Variants in PCDH15 observed in about 807,000 individuals in gnomAD.
The protein encoded by PCDH15 is protocadherin related 15.
A neutral mutation model predicts 178.5 loss-of-function variants in PCDH15; 129 were observed. The ratio of observed to expected loss-of-function variants is 0.72; its 90% CI spans 0.63 to 0.84. PCDH15 has a LOEUF of 0.84. Among genes scored for constraint, PCDH15 ranks in the 40% least tolerant of loss-of-function variants. The probability of loss-of-function intolerance (pLI) is 0.00; values close to 1 mark genes in which losing one functional copy is unlikely to be tolerated. For synonymous variants in PCDH15, 800 were observed against 732.0 expected, an observed-to-expected ratio of 1.09 and a Z score of -1.50; for missense variants, 2,230 against 2,099.9, an observed-to-expected ratio of 1.06 and a Z score of -1.21.
At chr10:54,574,347 G>C (rs894103317) in intron 2 of PCDH15, among the ~76,000 whole-genome samples, 36 of 149,652 alleles carry the variant, frequency 2.4e-4, no homozygotes, top group Admixed American at 5.3e-4. Flanking sequence ...GATATGTGGC[G>C]TTATTTCTGA....
chr10:54,822,802 G>A (rs953430665), intron 3 of PCDH15, among the ~76,000 whole-genome samples: 1 of 151,118 alleles, frequency 6.6e-6, no homozygotes, highest in Non-Finnish European at 1.5e-5. Context: ...ATTGTTACTT[G>A]TCTTTTTGTT....
intron 21 of PCDH15, among the ~76,000 whole-genome samples, chr10:53,967,898 G>C (rs2089214135): frequency 6.6e-6 from 1 of 152,106 alleles, no homozygotes; most frequent in Non-Finnish European, 1.5e-5. Context: ...ATTTGGAGGA[G>C]GTTCCAAGAT....
At chr10:54,436,993 T>C (rs1391352654) in intron 3 of PCDH15, among the ~76,000 whole-genome samples, 2 of 152,306 alleles carry the variant, frequency 1.3e-5, no homozygotes, top group East Asian at 1.9e-4. Flanking sequence ...AGAGTAATTA[T>C]GTCAAAACTC....
chr10:54,980,189 A>T (rs2131903343), intron 2 of PCDH15, among the ~76,000 whole-genome samples: 1 of 152,306 alleles, frequency 6.6e-6, no homozygotes, highest in East Asian at 1.9e-4. Context: ...TGGCATTCCA[A>T]TAATGGAATA....
intron 2 of PCDH15, among the ~76,000 whole-genome samples, chr10:55,497,977 G>A (rs1383106058): frequency 1.3e-5 from 2 of 151,866 alleles, no homozygotes; most frequent in Non-Finnish European, 2.9e-5. Flanking sequence ...CTACGGATAT[G>A]TATAAATCTG....
chr10:54,794,153 A>C (rs1951734303), intron 1 of PCDH15, among the ~76,000 whole-genome samples: 1 of 148,182 alleles, frequency 6.7e-6, no homozygotes, highest in Non-Finnish European at 1.5e-5. Context: ...TATATATCTT[A>C]AAGGAAATAT....
In PCDH15 at chr10:55,622,209, CTA is replaced by C. The variant is rs1837421563; in HGVS notation, c.-156+5414_-156+5415del. On this transcript the variant is annotated intron_variant, in intron 2 of 5. Coordinates refer to the PCDH15 transcript ENST00000613346. ...TACATTTTATGTAGACAGGGTCTCA[CTA>C]TGCTGCCCAGGCTGGTCTTAAACTC... is the stretch of plus-strand genomic sequence containing the variant. Among the ~76,000 whole-genome samples the C allele has an allele frequency of 2.5e-5, 3 of 119,598 alleles. No homozygotes were observed. The Admixed American group carries it at 2.5e-4, about 10-fold the overall frequency. The allele number at this position is 119,598 out of a possible 152,430, so 78.5% of individuals were successfully genotyped here.
chr10:54,836,061 C>CA, intron 3 of PCDH15, among the ~76,000 whole-genome samples: 1 of 151,996 alleles, frequency 6.6e-6, no homozygotes, highest in East Asian at 1.9e-4. Flanking sequence ...TATTGCAACA[C>CA]AAAAAAGTTC....
intron 5 of PCDH15, among the ~76,000 whole-genome samples, chr10:54,354,050 A>G (rs1016685676): frequency 6.6e-6 from 1 of 152,174 alleles, no homozygotes; most frequent in African/African-American, 2.4e-5. Context: ...CAATGGCACA[A>G]TCTCGGCTCA....
At chr10:55,034,578 G>T (rs1352626181) in intron 2 of PCDH15, among the ~76,000 whole-genome samples, 4 of 152,124 alleles carry the variant, frequency 2.6e-5, no homozygotes, top group African/African-American at 9.7e-5. Context: ...CAAACTCAAA[G>T]TAGGCACTGG....
At chr10:54,223,412 A>C (rs1462330426) in intron 9 of PCDH15, among the ~76,000 whole-genome samples, 2 of 143,178 alleles carry the variant, frequency 1.4e-5, no homozygotes, top group African/African-American at 5.1e-5. Flanking sequence ...TACATTATGT[A>C]TAGAAAGTCT....
intron 5 of PCDH15, among the ~76,000 whole-genome samples, chr10:54,367,011 G>A (rs2134650875): frequency 6.6e-6 from 1 of 152,068 alleles, no homozygotes; most frequent in South Asian, 2.1e-4. Context: ...AGGGTTTGAA[G>A]AAATTGAAGA....
chr10:55,035,903 A>T (rs1840724504), intron 2 of PCDH15, among the ~76,000 whole-genome samples: 1 of 152,136 alleles, frequency 6.6e-6, no homozygotes, highest in South Asian at 2.1e-4. Context: ...GATTGAATAG[A>T]TATATTAAGA....
chr10:55,233,259 A>G (rs1313138429), intron 1 of PCDH15, among the ~76,000 whole-genome samples: 2 of 152,116 alleles, frequency 1.3e-5, no homozygotes, highest in African/African-American at 4.8e-5. Context: ...TTTATATACA[A>G]AAGCTTTTGC....
chr10:54,147,690 ATAAAT>A (rs2044125626), intron 14 of PCDH15, among the ~76,000 whole-genome samples: 2 of 150,116 alleles, frequency 1.3e-5, no homozygotes, highest in Admixed American at 6.6e-5. Flanking sequence ...TTCAAGACTA[ATAAAT>A]TAAAAGTCTT....
At chr10:54,024,268 G>A (rs888921682) in intron 18 of PCDH15, among the ~76,000 whole-genome samples, 1 of 151,938 alleles carries the variant, frequency 6.6e-6, no homozygotes, top group Non-Finnish European at 1.5e-5. Context: ...CCATGTAAAA[G>A]AAACTGAAAT....
intron 2 of PCDH15, among the ~76,000 whole-genome samples, chr10:55,039,020 T>A (rs969875226): frequency 6.6e-6 from 1 of 152,158 alleles, no homozygotes; most frequent in Non-Finnish European, 1.5e-5. Flanking sequence ...AAATTGTAAA[T>A]GTGGTTATCT....
chr10:55,272,734 C>A (rs1842478796), intron 1 of PCDH15, among the ~76,000 whole-genome samples: 2 of 152,082 alleles, frequency 1.3e-5, no homozygotes, highest in Admixed American at 6.5e-5. Flanking sequence ...AATTAGAAGG[C>A]AAGATGAGGT....
At chr10:55,268,914 G>A (rs1842369171) in intron 1 of PCDH15, among the ~76,000 whole-genome samples, 1 of 152,050 alleles carries the variant, frequency 6.6e-6, no homozygotes, top group Admixed American at 6.6e-5. Flanking sequence ...AAATCCAGCA[G>A]ACATCAAAAA....
Sources: allele counts gnomAD v4.1 joint callset (sites outside exome capture counted in the v4.1 genomes callset), GRCh38; gene constraint gnomAD v4.1.1; transcripts MANE v1.5; gene names NCBI Gene and HGNC (gene_info 2026-07-23, HGNC 2026-07-21).